RTN4RL1: variants seen among roughly 807,000 people sequenced by gnomAD.
The protein encoded by RTN4RL1 is reticulon 4 receptor like 1.
Under a neutral mutation model 25.6 loss-of-function variants are expected in RTN4RL1, and 7 were observed. That is an observed-to-expected ratio of 0.27 (90% CI 0.16 to 0.51). The LOEUF is 0.51. Among genes scored for constraint, RTN4RL1 ranks in the 20% least tolerant of loss-of-function variants. The probability of loss-of-function intolerance (pLI) is 0.97; values close to 1 mark genes in which losing one functional copy is unlikely to be tolerated. For missense variants in RTN4RL1, 500 were observed against 615.6 expected (o/e 0.81, Z 1.99); for synonymous variants, 297 against 288.2 (o/e 1.03, Z -0.31).
chr17:1,943,537 C>A (rs4516268), intron 1 of RTN4RL1, among the ~76,000 whole-genome samples: 28,217 of 152,166 alleles, frequency 0.19, 2,736 homozygotes, highest in Admixed American at 0.2. Flanking sequence ...CCTCTCTCCC[C>A]CTCCCCGCTT....
At chr17:2,000,327 T>G (rs1597235232) in intron 1 of RTN4RL1, among the ~76,000 whole-genome samples, 1 of 152,002 alleles carries the variant, frequency 6.6e-6, no homozygotes, top group South Asian at 2.1e-4. Context: ...GGACACAAAG[T>G]CCTACTTTGG....
chr17:1,989,652 C>G lies in RTN4RL1; in HGVS notation c.13+35201G>C, dbSNP rs150192495. Reference sequence around the variant, plus strand: ...GTAATGGCATGATCTCGGTTCACTGCCACCTCCACCTCCCGGTTTCAAGCA... The same window carrying G: ...GTAATGGCATGATCTCGGTTCACTGGCACCTCCACCTCCCGGTTTCAAGCA... On this transcript the variant is annotated intron_variant, in intron 1 of 1. Coordinates refer to ENST00000331238, the MANE Select transcript of RTN4RL1 (RefSeq NM_178568.4). Among the ~76,000 whole-genome samples, 44 of 152,220 alleles carry G rather than the reference C, an allele frequency of 2.9e-4. No individual in the cohort carries two copies. The East Asian group carries it at 6.9e-3, about 24-fold the overall frequency.
rs998119161 is a variant in RTN4RL1 at position 1,970,925 on chromosome 17, C to T, written c.14-33117G>A. ...GTAGGAGACCCTCTCCCTAGAGAAG[C>T]GAGCCTACACATAATCACTCACACT... On this transcript the variant is annotated intron_variant, in intron 1 of 1. Coordinates refer to ENST00000331238, the MANE Select transcript of RTN4RL1 (RefSeq NM_178568.4). Among the ~76,000 whole-genome samples, 6 of 151,460 alleles carry T rather than the reference C, an allele frequency of 4.0e-5. No homozygotes were observed. In the East Asian group the frequency reaches 9.7e-4, roughly 25 times the overall value.
At chr17:1,950,206 C>T (rs1915644506) in intron 1 of RTN4RL1, among the ~76,000 whole-genome samples, 1 of 151,866 alleles carries the variant, frequency 6.6e-6, no homozygotes, top group Admixed American at 6.6e-5. Flanking sequence ...ACCTTGGGGG[C>T]CTGAAGAGGG....
At chr17:1,981,278 G>A (rs927415756) in intron 1 of RTN4RL1, among the ~76,000 whole-genome samples, 5 of 152,168 alleles carry the variant, frequency 3.3e-5, no homozygotes, top group South Asian at 4.1e-4. Flanking sequence ...CTACCTGGGA[G>A]GCTGAGGAGG....
intron 1 of RTN4RL1, among the ~76,000 whole-genome samples, chr17:1,999,473 C>T (rs2066946621): frequency 6.6e-6 from 1 of 152,000 alleles, no homozygotes; most frequent in Admixed American, 6.5e-5. Context: ...CACACACACA[C>T]ACACATGAAC....
chr17:1,945,518 T>G (rs931944817), intron 1 of RTN4RL1, among the ~76,000 whole-genome samples: 1 of 151,916 alleles, frequency 6.6e-6, no homozygotes, highest in Admixed American at 6.6e-5. Context: ...CTGCGCCCAG[T>G]CTTTTTTTAA....
At chr17:1,976,104 T>C (rs746726248) in intron 1 of RTN4RL1, among the ~76,000 whole-genome samples, 1 of 152,252 alleles carries the variant, frequency 6.6e-6, no homozygotes, top group Non-Finnish European at 1.5e-5. Flanking sequence ...CAGGTAAGAA[T>C]GAGCCAGCTC....
intron 1 of RTN4RL1, among the ~76,000 whole-genome samples, chr17:2,000,096 T>C (rs1486485428): frequency 6.6e-6 from 1 of 152,270 alleles, no homozygotes; most frequent in African/African-American, 2.4e-5. Flanking sequence ...CCAGGGCTGC[T>C]GCCTCAGCAG....
At chr17:1,963,174 A>G (rs2066773747) in intron 1 of RTN4RL1, among the ~76,000 whole-genome samples, 1 of 152,094 alleles carries the variant, frequency 6.6e-6, no homozygotes, top group Non-Finnish European at 1.5e-5. Context: ...CAGAGCTGGG[A>G]TGGACCTGGG....
rs550291341 is a variant in RTN4RL1 at position 1,955,462 on chromosome 17, G to A, written c.14-17654C>T. Among the ~76,000 whole-genome samples, 92 of 151,738 alleles carry A rather than the reference G, an allele frequency of 6.1e-4. 1 individual carries two copies. The highest frequency in any genetic ancestry group is 2.1e-3 in the African/African-American group (88 of 41,398). On this transcript the variant is annotated intron_variant, in intron 1 of 1. Transcript: ENST00000331238. ...TCCCAGCTACTCAGGAGGCTGAGGC[G>A]GGAGGATCACTTGAGCCCGGGAGGT...
chr17:2,002,388 G>C (rs931243716), intron 1 of RTN4RL1, among the ~76,000 whole-genome samples: 2 of 150,994 alleles, frequency 1.3e-5, no homozygotes, highest in Non-Finnish European at 3.0e-5. Flanking sequence ...CGCCTCCCGG[G>C]TTCACGCCAT....
intron 1 of RTN4RL1, among the ~76,000 whole-genome samples, chr17:1,995,891 G>T (rs1459133810): frequency 2.0e-5 from 3 of 152,244 alleles, no homozygotes; most frequent in Non-Finnish European, 4.4e-5. Context: ...AGAGGCTGCA[G>T]AGCCAGCGTC....
rs553858552 is a variant in RTN4RL1, at chr17:2,014,724, C to T, written c.13+10129G>A. Among the ~76,000 whole-genome samples, 116 of 151,880 alleles carry T rather than the reference C, an allele frequency of 7.6e-4. 3 individuals are homozygous for T. The South Asian group carries it at 0.021, about 27-fold the overall frequency. On this transcript the variant is annotated intron_variant, in intron 1 of 1. Transcript: ENST00000331238. Reference sequence around the variant, plus strand: ...GTGTGCACCTGTAATCCCAGCTACTCGGGAGGCTGAGGCAGGAGAATCGCT... The same window carrying T: ...GTGTGCACCTGTAATCCCAGCTACTTGGGAGGCTGAGGCAGGAGAATCGCT...
chr17:2,015,393 G>T (rs2067107379), intron 1 of RTN4RL1, among the ~76,000 whole-genome samples: 1 of 152,204 alleles, frequency 6.6e-6, no homozygotes, highest in South Asian at 2.1e-4. Flanking sequence ...GCTGGAGACG[G>T]GATATCTGGG....
chr17:2,023,932 G>A lies in RTN4RL1; in HGVS notation c.13+921C>T, dbSNP rs796290887. ...CTCCTGGCCGGGCCAGGCGCGGGGG[G>A]GATCCCGGCGGGGCGCCACAGCCTG... On this transcript the variant is annotated intron_variant, in intron 1 of 1. Coordinates refer to ENST00000331238, the MANE Select transcript of RTN4RL1 (RefSeq NM_178568.4). Among the ~76,000 whole-genome samples the A allele has an allele frequency of 1.1e-4, 17 of 152,128 alleles. No homozygotes were observed. The South Asian group carries it at 3.5e-3, about 31-fold the overall frequency.
chr17:1,981,329 C>T (rs538017760), intron 1 of RTN4RL1, among the ~76,000 whole-genome samples: 1 of 152,248 alleles, frequency 6.6e-6, no homozygotes, highest in East Asian at 1.9e-4. Flanking sequence ...TGCAGTGAGC[C>T]GTGATCGTGC....
intron 1 of RTN4RL1, among the ~76,000 whole-genome samples, chr17:1,993,576 G>A (rs541484954): frequency 5.3e-5 from 8 of 151,756 alleles, no homozygotes; most frequent in South Asian, 2.1e-4. Flanking sequence ...AACTTATTTC[G>A]GCAGTTGAGA....
intron 1 of RTN4RL1, among the ~76,000 whole-genome samples, chr17:1,991,730 C>T (rs1329786401): frequency 2.0e-5 from 3 of 152,194 alleles, no homozygotes; most frequent in East Asian, 1.9e-4. Flanking sequence ...ACCCATTCCT[C>T]GCAGCGGAAA....
Sources: gnomAD v4.1 joint callset for allele counts (sites outside exome capture counted in the v4.1 genomes callset) on GRCh38, gnomAD v4.1.1 for gene constraint, MANE v1.5 for transcripts, NCBI Gene and HGNC (gene_info 2026-07-23, HGNC 2026-07-21) for gene names.